The following AGBL1 variants were observed in gnomAD, a reference collection of about 807,000 sequenced individuals.
AGBL1 encodes the protein cytosolic carboxypeptidase 4.
Under a neutral mutation model 118.9 loss-of-function variants are expected in AGBL1, and 130 were observed. The ratio of observed to expected loss-of-function variants is 1.09; its 90% CI spans 0.95 to 1.26. The LOEUF (loss-of-function observed/expected upper bound fraction) is 1.26. Ranked by LOEUF, AGBL1 falls within the 50% of genes most tolerant of loss-of-function variation. AGBL1 has a pLI of 0.00. For missense variants in AGBL1, 1,584 were observed against 1,298.1 expected (o/e 1.22, Z -3.38); for synonymous variants, 555 against 478.9 (o/e 1.16, Z -2.08).
rs1008164600 is a variant in AGBL1, at chr15:86,964,496, A to G, written c.3222-23491A>G. ...CTGATTGGAAGCTACTGATCTATTA[A>G]TAGTAGGTCCGTAGGATCCTTAAAG... On this transcript the variant is annotated intron_variant, in intron 23 of 24. Transcript: ENST00000441037. Among the ~76,000 whole-genome samples, 5 of 151,990 alleles carry G rather than the reference A, an allele frequency of 3.3e-5. No homozygotes were observed. In the South Asian group the frequency reaches 6.2e-4, roughly 19 times the overall value.
At chr15:86,236,967 T>G (rs1597603170) in intron 6 of AGBL1, among the ~76,000 whole-genome samples, 5 of 115,586 alleles carry the variant, frequency 4.3e-5, no homozygotes, top group African/African-American at 6.9e-5. Flanking sequence ...GGGCGCCAAG[T>G]TGCCAGGCAC....
chr15:86,154,683 C>G, intron 4 of AGBL1, 122 bp downstream of exon 4: 1 of 1,222,872 alleles, frequency 8.2e-7, no homozygotes, highest in Non-Finnish European at 1.1e-6. Context: ...GTGGTCCCAG[C>G]CAGATAAATA....
At chr15:86,772,515 T>G (rs191551980) in intron 22 of AGBL1, among the ~76,000 whole-genome samples, 35 of 152,068 alleles carry the variant, frequency 2.3e-4, no homozygotes, top group African/African-American at 7.7e-4. Flanking sequence ...GAGAGAAACA[T>G]TGGTAAATCA....
chr15:86,113,411 C>T (rs558238553), intron 1 of AGBL1, among the ~76,000 whole-genome samples: 2 of 151,582 alleles, frequency 1.3e-5, no homozygotes, highest in Non-Finnish European at 2.9e-5. Context: ...CCTCAGCCTC[C>T]CGAGTAGCTA....
chr15:86,776,355 G>T (rs1349051496), intron 22 of AGBL1, among the ~76,000 whole-genome samples: 1 of 152,016 alleles, frequency 6.6e-6, no homozygotes, highest in Non-Finnish European at 1.5e-5. Context: ...TTGACAATCT[G>T]GAAGTGATAT....
Position 86,279,776 on chromosome 15 carries a change from C to T in AGBL1, c.2213C>T (p.Ala738Val), listed in dbSNP as rs896098364. Residue 738 changes from alanine (A) to valine (V), a missense_variant, in exon 16 of 23, where the codon GCC becomes GTC. By Grantham distance (64) the Ala-to-Val change is moderately conservative (BLOSUM62 0). Coordinates refer to ENST00000614907, the MANE Select transcript of AGBL1 (RefSeq NM_001386094.1). ...TACCACTATCCCTATACCTACACAG[C>T]CCTCATGGTAACTTCCTCTTTATAG... ...LAYHYPYTYT[A>V]LMTHLDILEK... is the part of the protein sequence containing the mutation. The T allele has an allele frequency of 1.2e-6, 2 of 1,613,524 alleles. No individual in the cohort carries two copies. The highest frequency in any genetic ancestry group is 3.3e-5 in the Admixed American group (2 of 59,996).
chr15:86,251,796 C>T (rs186712987), intron 7 of AGBL1, among the ~76,000 whole-genome samples: 8 of 146,834 alleles, frequency 5.4e-5, no homozygotes, highest in African/African-American at 1.0e-4. Flanking sequence ...AAGAGGAAGA[C>T]GGATGACAAT....
At chr15:86,715,529 C>T (rs189724036) in intron 22 of AGBL1, among the ~76,000 whole-genome samples, 3 of 152,146 alleles carry the variant, frequency 2.0e-5, no homozygotes, top group East Asian at 3.9e-4. Flanking sequence ...GGGTCTTTAG[C>T]AAATAGAATA....
intron 22 of AGBL1, among the ~76,000 whole-genome samples, chr15:86,884,121 T>C (rs2079935365): frequency 6.6e-6 from 1 of 152,222 alleles, no homozygotes. Context: ...TTACTACTAC[T>C]CTTGGCACAT....
At chr15:86,845,335 G>A (rs893968735) in intron 22 of AGBL1, among the ~76,000 whole-genome samples, 2 of 152,062 alleles carry the variant, frequency 1.3e-5, no homozygotes, top group African/African-American at 4.8e-5. Context: ...TGAGATGACT[G>A]TACTCTCTTT....
At chr15:86,857,457 T>C (rs2079499363) in intron 22 of AGBL1, among the ~76,000 whole-genome samples, 1 of 152,180 alleles carries the variant, frequency 6.6e-6, no homozygotes. Context: ...TGTTTTCACA[T>C]GGTCTCTCTC....
chr15:86,410,326 C>T (rs970711671), intron 18 of AGBL1, among the ~76,000 whole-genome samples: 3 of 152,082 alleles, frequency 2.0e-5, no homozygotes, highest in African/African-American at 7.2e-5. Flanking sequence ...ACAGTTTTTA[C>T]TTTTCCTTCA....
chr15:86,698,564 C>T lies in AGBL1; in HGVS notation c.3158+24128C>T, dbSNP rs537593703. ...AAGTAAAACAATATATTGTTGCATC[C>T]GCTCCTTTTTTATTGGAATTCCATC... is the stretch of plus-strand genomic sequence containing the variant. On this transcript the variant is annotated intron_variant, in intron 22 of 22. Coordinates refer to ENST00000614907, the MANE Select transcript of AGBL1 (RefSeq NM_001386094.1). Among the ~76,000 whole-genome samples the T allele has an allele frequency of 7.3e-5, 11 of 151,426 alleles. No individual in the cohort carries two copies. The East Asian group carries it at 1.2e-3, about 16-fold the overall frequency.
intron 22 of AGBL1, among the ~76,000 whole-genome samples, chr15:86,779,943 C>A (rs369610209): frequency 7.1e-6 from 1 of 140,350 alleles, no homozygotes; most frequent in Non-Finnish European, 1.6e-5. Context: ...ACACACACAC[C>A]CCTACACTTT....
intron 17 of AGBL1, among the ~76,000 whole-genome samples, chr15:86,307,427 GT>G (rs1183974765): frequency 6.6e-6 from 1 of 151,448 alleles, no homozygotes. Context: ...TTTTAAATTT[GT>G]TAGTTTTTTT....
At position 86,174,181 on chromosome 15, in the gene AGBL1, A is replaced by G. The variant is rs543984443; in HGVS notation, c.488+15155A>G. 5.9e-5 allele frequency among the ~76,000 whole-genome samples: 9 copies of G among 151,974 alleles called. No individual in the cohort carries two copies. In the East Asian group the frequency reaches 1.7e-3, roughly 29 times the overall value. On this transcript the variant is annotated intron_variant, in intron 5 of 22. Coordinates refer to ENST00000614907, the MANE Select transcript of AGBL1 (RefSeq NM_001386094.1). ...GGTCTTTCACCTATTGGTTAAATTT[A>G]TTTCTAGGCATTTTGTTATTTTTTG...
chr15:86,415,928 A>G (rs563081859), intron 18 of AGBL1, among the ~76,000 whole-genome samples: 87 of 152,326 alleles, frequency 5.7e-4, no homozygotes, highest in Middle Eastern at 3.4e-3. Context: ...CTTCATTCCT[A>G]GTGTATTAAA....
intron 3 of AGBL1, among the ~76,000 whole-genome samples, chr15:86,150,910 T>C (rs923498350): frequency 5.9e-5 from 9 of 152,210 alleles, no homozygotes; most frequent in South Asian, 2.1e-4. Flanking sequence ...TCAAAAAGCT[T>C]ATCTCAATGA....
chr15:86,927,568 C>G (rs2080558049), intron 23 of AGBL1, among the ~76,000 whole-genome samples: 1 of 152,108 alleles, frequency 6.6e-6, no homozygotes, highest in African/African-American at 2.4e-5. Context: ...ACCTGGGTGA[C>G]AGAGCAAGAC....
Sources: gnomAD v4.1 joint callset for allele counts (sites outside exome capture counted in the v4.1 genomes callset) on GRCh38, gnomAD v4.1.1 for gene constraint, MANE v1.5 for transcripts, NCBI Gene and HGNC (gene_info 2026-07-23, HGNC 2026-07-21) for gene names.